CCDC138: variants seen among roughly 807,000 people sequenced by gnomAD.
The protein encoded by CCDC138 is coiled-coil domain containing 138.
In CCDC138, 66 loss-of-function variants were observed where a neutral mutation model predicts 82.3. The observed-to-expected ratio is 0.80, with a 90% CI of 0.66 to 0.98. CCDC138 has a LOEUF of 0.98. Among genes scored for constraint, CCDC138 ranks in the 50% least tolerant of loss-of-function variants. CCDC138 has a pLI of 0.00. For missense variants in CCDC138, 816 were observed against 758.9 expected (o/e 1.08, Z -0.88); for synonymous variants, 297 against 265.4 (o/e 1.12, Z -1.16).
chr2:108,870,831 T>C (rs1267636554), intron 13 of CCDC138, among the ~76,000 whole-genome samples: 1 of 152,170 alleles, frequency 6.6e-6, no homozygotes, highest in Non-Finnish European at 1.5e-5. Context: ...ATGGGAAAAT[T>C]AAAGTTATTG....
At chr2:108,873,208 A>C (rs1410532933) in intron 13 of CCDC138, among the ~76,000 whole-genome samples, 1 of 152,210 alleles carries the variant, frequency 6.6e-6, no homozygotes, top group African/African-American at 2.4e-5. Flanking sequence ...GATTTCTTCT[A>C]GATTTTGCCT....
intron 7 of CCDC138, among the ~76,000 whole-genome samples, chr2:108,809,448 TTGTGTGTG>T (rs56122981): frequency 0.012 from 1,713 of 141,194 alleles, 39 homozygotes; most frequent in African/African-American, 0.038. Context: ...ACATGAAATG[TTGTGTGTG>T]TGTGTGTGTG....
chr2:108,809,065 A>G (rs1480225205), intron 7 of CCDC138, among the ~76,000 whole-genome samples: 1 of 152,122 alleles, frequency 6.6e-6, no homozygotes, highest in Non-Finnish European at 1.5e-5. Flanking sequence ...TGATTTGTTG[A>G]GGAGACTGTC....
chr2:108,796,319 G>T (rs184597349), intron 5 of CCDC138, among the ~76,000 whole-genome samples: 83 of 152,188 alleles, frequency 5.5e-4, no homozygotes, highest in African/African-American at 2.0e-3. Flanking sequence ...CTCCCAAAGT[G>T]CTGGGATTAC....
chr2:108,819,286 G>C (rs1685269243), intron 10 of CCDC138, among the ~76,000 whole-genome samples: 1 of 152,168 alleles, frequency 6.6e-6, no homozygotes, highest in Admixed American at 6.5e-5. Context: ...TCCCCTGCCG[G>C]TATAGCGCAG....
At chr2:108,864,427 CT>C (rs911970169) in intron 13 of CCDC138, among the ~76,000 whole-genome samples, 65 of 152,142 alleles carry the variant, frequency 4.3e-4, no homozygotes, top group African/African-American at 1.5e-3. Flanking sequence ...CTTTGGGAGG[CT>C]TAGGAGGGAG....
At chr2:108,853,297 G>A (rs1691842462) in intron 12 of CCDC138, among the ~76,000 whole-genome samples, 1 of 152,112 alleles carries the variant, frequency 6.6e-6, no homozygotes, top group Non-Finnish European at 1.5e-5. Flanking sequence ...CAAACTGAGG[G>A]TCAGTCTAAT....
chr2:108,820,637 C>T (rs1400241888), intron 10 of CCDC138, among the ~76,000 whole-genome samples: 4 of 147,508 alleles, frequency 2.7e-5, no homozygotes, highest in Admixed American at 2.0e-4. Flanking sequence ...ATAAGAATTT[C>T]AGCAGATTTC....
intron 10 of CCDC138, among the ~76,000 whole-genome samples, chr2:108,819,881 T>C (rs1387791483): frequency 3.3e-5 from 5 of 152,224 alleles, no homozygotes; most frequent in Middle Eastern, 6.8e-3. Flanking sequence ...CTTTGTGATA[T>C]ATGATTTAAA....
At chr2:108,853,179 G>T (rs1398537047) in intron 12 of CCDC138, among the ~76,000 whole-genome samples, 1 of 152,150 alleles carries the variant, frequency 6.6e-6, no homozygotes, top group African/African-American at 2.4e-5. Flanking sequence ...AACATCAACC[G>T]AGTTCTTGGA....
intron 10 of CCDC138, among the ~76,000 whole-genome samples, chr2:108,821,796 T>A (rs192345152): frequency 4.9e-4 from 74 of 151,930 alleles, no homozygotes; most frequent in Admixed American, 2.7e-3. Flanking sequence ...AATACAAAAA[T>A]TAGCCGGGCG....
intron 6 of CCDC138, among the ~76,000 whole-genome samples, chr2:108,803,135 A>G (rs988206953): frequency 2.4e-4 from 36 of 152,336 alleles, no homozygotes; most frequent in Admixed American, 1.9e-3. Flanking sequence ...GTGCAGGTAA[A>G]GAGGCATTAA....
In CCDC138 at chr2:108,794,527, AT is replaced by A; in HGVS notation, c.395-9del. ...TAATAAAGTTTATAATGCAAATGTT[AT>A]TTTCTTTGCAGTTGCCTTGCCAACT... On this transcript the variant is annotated splice_polypyrimidine_tract_variant and intron_variant, in intron 4 of 14. Transcript: ENST00000295124. The A allele has an allele frequency of 6.3e-7, 1 of 1,589,496 alleles. No homozygotes were observed.
intron 11 of CCDC138, among the ~76,000 whole-genome samples, chr2:108,842,861 T>C (rs571348234): frequency 7.1e-4 from 108 of 152,328 alleles, no homozygotes; most frequent in African/African-American, 2.4e-3. Flanking sequence ...GTAGAACTTA[T>C]TCAGTCTATT....
chr2:108,835,790 C>T (rs1223979430), intron 10 of CCDC138, among the ~76,000 whole-genome samples: 4 of 152,178 alleles, frequency 2.6e-5, no homozygotes, highest in Non-Finnish European at 4.4e-5. Context: ...CTGTTTTGTG[C>T]TGTTACAACA....
At chr2:108,807,945 A>G (rs778013241) in intron 7 of CCDC138, among the ~76,000 whole-genome samples, 2 of 152,170 alleles carry the variant, frequency 1.3e-5, no homozygotes, top group African/African-American at 4.8e-5. Context: ...TTGTTAGCCA[A>G]CTTCTCCACA....
chr2:108,872,038 A>G lies in CCDC138; in HGVS notation c.1694-1413A>G, dbSNP rs562324289. Among the ~76,000 whole-genome samples the G allele has an allele frequency of 5.9e-5, 9 of 152,224 alleles. No homozygotes were observed. In the South Asian group the frequency reaches 1.7e-3, roughly 28 times the overall value. On this transcript the variant is annotated intron_variant, in intron 13 of 14. Coordinates refer to ENST00000295124, the MANE Select transcript of CCDC138 (RefSeq NM_144978.3). ...TGCCCTACTTCCTTCCACCAATTTA[A>G]AGAGGTACTTCATGTTTGAGAATGC...
rs1209420766 is a variant in CCDC138, at chr2:108,788,744, T to G, written c.152-108T>G. The G allele has an allele frequency of 2.8e-6, 4 of 1,443,402 alleles. No individual in the cohort carries two copies. The African/African-American group carries it at 5.8e-5, about 21-fold the overall frequency. 89.4% of individuals were successfully genotyped at this position (1,443,402 alleles called of 1,614,324 possible). A position where few individuals can be genotyped will look rare whatever the true frequency, so the allele number is the denominator to read the frequency against. On this transcript the variant is annotated intron_variant, in intron 2 of 14. Coordinates refer to ENST00000295124, the MANE Select transcript of CCDC138 (RefSeq NM_144978.3). The stretch of plus-strand genomic sequence containing the variant: ...CAAAGAAAAAAAAAGAAAAAAAAAT[T>G]TGAGAGAGAAGATTTTAAAAATAGT...
In CCDC138 at chr2:108,798,816, T is replaced by TACACACACACAC. The variant is rs61201793; in HGVS notation, c.735+256_735+267dup. Among the ~76,000 whole-genome samples the TACACACACACAC allele has an allele frequency of 3.6e-4, 47 of 131,636 alleles. 1 individual carries two copies. Among genetic ancestry groups the TACACACACACAC allele is most frequent in the East Asian group, 2.8e-3 (12 of 4,244 alleles). The allele number at this position is 131,636 out of a possible 152,430, so 86.4% of individuals were successfully genotyped here. A position where few individuals can be genotyped will look rare whatever the true frequency, so the allele number is the denominator to read the frequency against. ...TTCCCTTCCTCCTCCTCTCCACACC[T>TACACACACACAC]ACACACACACACACACACACACACA... On this transcript the variant is annotated intron_variant, in intron 6 of 14. Coordinates refer to ENST00000295124, the MANE Select transcript of CCDC138 (RefSeq NM_144978.3).
Sources: allele counts gnomAD v4.1 joint callset (sites outside exome capture counted in the v4.1 genomes callset), GRCh38; gene constraint gnomAD v4.1.1; transcripts MANE v1.5; gene names NCBI Gene and HGNC (gene_info 2026-07-23, HGNC 2026-07-21).